ASB18: variants seen among roughly 807,000 people sequenced by gnomAD.
The protein encoded by ASB18 is ankyrin repeat and SOCS box protein 18.
ASB18 carries 33 observed loss-of-function variants against 33.4 expected under a neutral mutation model. That is an observed-to-expected ratio of 0.99 (90% confidence interval 0.75 to 1.32). The LOEUF is 1.32. Ranked by LOEUF, ASB18 falls within the 40% of genes most tolerant of loss-of-function variation. ASB18 has a pLI of 0.00. For missense variants in ASB18, 694 were observed against 655.5 expected (o/e 1.06, Z -0.64); for synonymous variants, 295 against 307.6 (o/e 0.96, Z 0.43).
At position 236,235,768 on chromosome 2, in the gene ASB18, G is replaced by A. The variant is rs973683418; in HGVS notation, c.596+1921C>T. ...GTCACCCAGGCTGGAGTGCAGTGGC[G>A]TGAACATGGCTTACTCCTGTGCTCA... On this transcript the variant is annotated intron_variant, in intron 3 of 5. Transcript: ENST00000409749. This position sits in a 1 kb window ranked among gnomAD's most constrained non-coding sequence, Gnocchi z 6.2. 1.3e-5 allele frequency among the ~76,000 whole-genome samples: 2 copies of A among 152,172 alleles called. No homozygotes were observed. Among genetic ancestry groups the A allele is most frequent in the Non-Finnish European group, 2.9e-5 (2 of 68,036 alleles).
Position 236,222,068 on chromosome 2 carries a change from G to A in ASB18, c.597-7202C>T, listed in dbSNP as rs897042520. 6.6e-6 allele frequency among the ~76,000 whole-genome samples: 1 copy of A among 152,154 alleles called. No homozygotes were observed. The highest frequency in any genetic ancestry group is 1.5e-5 in the Non-Finnish European group (1 of 68,026). On this transcript the variant is annotated intron_variant, in intron 3 of 5. Transcript: ENST00000409749. This position sits in a 1 kb window ranked among gnomAD's most constrained non-coding sequence, Gnocchi z 5.5. ...CTGCTGCAGGAAGGTTTCCTCCTGT[G>A]GCTCTATGCCCCAGCTGACTCCGAT...
In ASB18 at chr2:236,209,856, T is replaced by C. The variant is rs999401146; in HGVS notation, c.1101+4506A>G. 2.0e-5 allele frequency among the ~76,000 whole-genome samples: 3 copies of C among 152,226 alleles called. No homozygotes were observed. The highest frequency in any genetic ancestry group is 2.0e-4 in the Admixed American group (3 of 15,272). On this transcript the variant is annotated intron_variant, in intron 4 of 5. Transcript: ENST00000409749. The surrounding 1 kb of genome is among the most constrained non-coding windows in gnomAD (Gnocchi z 4.4). ...TTTCCTCTCCAACGACTAGCTCATT[T>C]TTCCAACTGCACACATTGCCGTGCC...
Position 236,252,903 on chromosome 2 carries a change from A to T in ASB18, c.205+11238T>A, listed in dbSNP as rs935004004. The stretch of plus-strand genomic sequence containing the variant: ...CTGCAGAGCTGCATCACCTAAGAAC[A>T]CTCCTCCCAACGTGGCCAGATCCAG... On this transcript the variant is annotated intron_variant, in intron 1 of 5. Coordinates refer to ENST00000409749, the MANE Select transcript of ASB18 (RefSeq NM_212556.4). The surrounding 1 kb of genome is among the most constrained non-coding windows in gnomAD (Gnocchi z 7.9). 6.6e-6 allele frequency among the ~76,000 whole-genome samples: 1 copy of T among 151,772 alleles called. No homozygotes were observed. The highest frequency in any genetic ancestry group is 1.5e-5 in the Non-Finnish European group (1 of 67,954).
In ASB18 at chr2:236,262,429, G is replaced by A. The variant is rs546014684; in HGVS notation, c.205+1712C>T. 6.6e-6 allele frequency among the ~76,000 whole-genome samples: 1 copy of A among 152,316 alleles called. No homozygotes were observed. The highest frequency in any genetic ancestry group is 2.4e-5 in the African/African-American group (1 of 41,578). On this transcript the variant is annotated intron_variant, in intron 1 of 5. Coordinates refer to ENST00000409749, the MANE Select transcript of ASB18 (RefSeq NM_212556.4). The surrounding 1 kb of genome is among the most constrained non-coding windows in gnomAD (Gnocchi z 5.2). ...GAGGAGGGGCAGGAGCTGCTGGGCA[G>A]GAGCCAAGCCTTCCACAGAAGGAGG... is the stretch of plus-strand genomic sequence containing the variant.
chr2:236,246,128 G>A (rs1448172466), intron 1 of ASB18, among the ~76,000 whole-genome samples: 1 of 151,986 alleles, frequency 6.6e-6, no homozygotes, highest in Non-Finnish European at 1.5e-5. Context: ...CTAGGTGGGT[G>A]GATCACTTGA....
rs1028054683 is a variant in ASB18 at position 236,264,370 on chromosome 2, A to G, written c.-25T>C. 3.7e-6 allele frequency: 6 copies of G among 1,603,388 alleles called. No homozygotes were observed. Among genetic ancestry groups the G allele is most frequent in the Admixed American group, 1.7e-5 (1 of 59,984 alleles). ...TTGTTACGTCGTTTCTGCAGTGACC[A>G]GCCCTTCTTTTCTTCCTCTAAAGCG... On this transcript the variant is annotated 5_prime_UTR_variant, in exon 1 of 6. Transcript: ENST00000409749. This position sits in a 1 kb window ranked among gnomAD's most constrained non-coding sequence, Gnocchi z 5.1.
At position 236,203,928 on chromosome 2, in the gene ASB18, A is replaced by G. The variant is rs1174998115; in HGVS notation, c.1102-7543T>C. On this transcript the variant is annotated intron_variant, in intron 4 of 5. Coordinates refer to ENST00000409749, the MANE Select transcript of ASB18 (RefSeq NM_212556.4). This position sits in a 1 kb window ranked among gnomAD's most constrained non-coding sequence, Gnocchi z 6.0. ...CCAACCAACCAAACAAGGACATATC[A>G]CCAAGGCTGGATCTGGGGAATAGTT... is the stretch of plus-strand genomic sequence containing the variant. Among the ~76,000 whole-genome samples the G allele has an allele frequency of 1.4e-5, 2 of 141,030 alleles. No homozygotes were observed. Among genetic ancestry groups the G allele is most frequent in the Non-Finnish European group, 3.2e-5 (2 of 63,424 alleles). 92.5% of individuals were successfully genotyped at this position (141,030 alleles called of 152,430 possible).
Position 236,209,398 on chromosome 2 carries a change from G to A in ASB18, c.1101+4964C>T, listed in dbSNP as rs1292796923. 2.6e-5 allele frequency among the ~76,000 whole-genome samples: 4 copies of A among 151,786 alleles called. No individual in the cohort carries two copies. Among genetic ancestry groups the A allele is most frequent in the East Asian group, 1.9e-4 (1 of 5,172 alleles). On this transcript the variant is annotated intron_variant, in intron 4 of 5. Transcript: ENST00000409749. This position sits in a 1 kb window ranked among gnomAD's most constrained non-coding sequence, Gnocchi z 4.4. Reference sequence around the variant, plus strand: ...GGTAATCCTCCTGTCTCAGCCTCCTGAGTAACTGGGACTACAGTTGCATGC... The same window carrying A: ...GGTAATCCTCCTGTCTCAGCCTCCTAAGTAACTGGGACTACAGTTGCATGC...
chr2:236,231,838 T>C lies in ASB18; in HGVS notation c.596+5851A>G, dbSNP rs1214293233. On this transcript the variant is annotated intron_variant, in intron 3 of 5. Coordinates refer to ENST00000409749, the MANE Select transcript of ASB18 (RefSeq NM_212556.4). The surrounding 1 kb of genome is among the most constrained non-coding windows in gnomAD (Gnocchi z 5.5). ...TGCTAAGCATTTATGTACCTAATAA[T>C]AGAGCTTCAAATTACTTGAAACAAA... is the stretch of plus-strand genomic sequence containing the variant. Among the ~76,000 whole-genome samples the C allele has an allele frequency of 6.6e-6, 1 of 152,210 alleles. No individual in the cohort carries two copies. The highest frequency in any genetic ancestry group is 6.5e-5 in the Admixed American group (1 of 15,278).
chr2:236,224,185 GTTTTTTTTTTTTT>G lies in ASB18; in HGVS notation c.597-9332_597-9320del, dbSNP rs1161648778. Reference sequence around the variant, plus strand: ...TCTTGTCAACATTTGGTGTTGTCAGGTTTTTTTTTTTTTTTTTTTTTTTTTTTTTAGCCATTCT... The same window carrying G: ...TCTTGTCAACATTTGGTGTTGTCAGGTTTTTTTTTTTTTTTTAGCCATTCT... On this transcript the variant is annotated intron_variant, in intron 3 of 5. Transcript: ENST00000409749. Among the ~76,000 whole-genome samples, 107 of 66,806 alleles carry G rather than the reference GTTTTTTTTTTTTT, an allele frequency of 1.6e-3. 3 individuals carry two copies. In the South Asian group the frequency reaches 0.061, roughly 38 times the overall value. 43.8% of individuals were successfully genotyped at this position (66,806 alleles called of 152,430 possible). A position where few individuals can be genotyped will look rare whatever the true frequency, so the allele number is the denominator to read the frequency against.
Position 236,196,413 on chromosome 2 carries a change from G to A in ASB18, c.1102-28C>T, listed in dbSNP as rs576374677. ...GGTGGGAAGAGGTGAAAGACGCAGC[G>A]TAGGCCGACTGGGTTCTGGGTCTCA... On this transcript the variant is annotated intron_variant, in intron 4 of 5. Transcript: ENST00000409749. The surrounding 1 kb of genome is among the most constrained non-coding windows in gnomAD (Gnocchi z 5.6). 9.2e-6 allele frequency: 12 copies of A among 1,307,388 alleles called. No individual in the cohort carries two copies. The highest frequency in any genetic ancestry group is 7.4e-5 in the African/African-American group (5 of 67,826). The allele number at this position is 1,307,388 out of a possible 1,614,324, so 81.0% of individuals were successfully genotyped here.
In ASB18 at chr2:236,193,803, A is replaced by G. The variant is rs2060358579; in HGVS notation, c.*1069T>C. On this transcript the variant is annotated 3_prime_UTR_variant, in exon 6 of 6. Coordinates refer to ENST00000409749, the MANE Select transcript of ASB18 (RefSeq NM_212556.4). This position sits in a 1 kb window ranked among gnomAD's most constrained non-coding sequence, Gnocchi z 5.0. ...CAAACAAAAAAACAAAAAAGAAACAAGACTGATTCCTGGGCAAGGCCACTG... is the reference window on the plus strand; with the variant it reads ...CAAACAAAAAAACAAAAAAGAAACAGGACTGATTCCTGGGCAAGGCCACTG... 6.6e-6 allele frequency among the ~76,000 whole-genome samples: 1 copy of G among 152,092 alleles called. No individual in the cohort carries two copies. Among genetic ancestry groups the G allele is most frequent in the African/African-American group, 2.4e-5 (1 of 41,420 alleles).
Position 236,252,267 on chromosome 2 carries a change from T to TCTCA in ASB18, c.206-10866_206-10865insTGAG, listed in dbSNP as rs141179555. ...GCCTTGGCAACAGAGTGAGACTCCG[T>TCTCA]CACACACACACACACACACACACAC... is the stretch of plus-strand genomic sequence containing the variant. On this transcript the variant is annotated intron_variant, in intron 1 of 5. Transcript: ENST00000409749. This position sits in a 1 kb window ranked among gnomAD's most constrained non-coding sequence, Gnocchi z 7.9. 2.9e-5 allele frequency among the ~76,000 whole-genome samples: 4 copies of TCTCA among 138,580 alleles called. No individual in the cohort carries two copies. The highest frequency in any genetic ancestry group is 7.4e-5 in the Admixed American group (1 of 13,498). 90.9% of individuals were successfully genotyped at this position (138,580 alleles called of 152,430 possible). A position where few individuals can be genotyped will look rare whatever the true frequency, so the allele number is the denominator to read the frequency against.
At chr2:236,242,399 A>G (rs530246918) in intron 1 of ASB18, among the ~76,000 whole-genome samples, 1 of 152,318 alleles carries the variant, frequency 6.6e-6, no homozygotes, top group East Asian at 1.9e-4. Context: ...TAGGGCTGAA[A>G]GGGTCTGTCT....
rs2060535928 is a variant in ASB18 at position 236,226,004 on chromosome 2, A to C, written c.597-11138T>G. Among the ~76,000 whole-genome samples, 1 of 152,246 alleles carries C rather than the reference A, an allele frequency of 6.6e-6. No homozygotes were observed. On this transcript the variant is annotated intron_variant, in intron 3 of 5. Transcript: ENST00000409749. The surrounding 1 kb of genome is among the most constrained non-coding windows in gnomAD (Gnocchi z 4.8). ...GAGGTAAAAAAATTAAGGATGACCT[A>C]AAATCTACTGTGTTTAAAAAGATTG...
chr2:236,202,814 T>TATATATAC (rs1472095135), intron 4 of ASB18, among the ~76,000 whole-genome samples: 1 of 126,576 alleles, frequency 7.9e-6, no homozygotes, highest in African/African-American at 3.2e-5. Flanking sequence ...TATATATATA[T>TATATATAC]ACACACACCT....
rs1377245031 is a variant in ASB18, at chr2:236,196,432, G to A, written c.1102-47C>T. On this transcript the variant is annotated intron_variant, in intron 4 of 5. Coordinates refer to ENST00000409749, the MANE Select transcript of ASB18 (RefSeq NM_212556.4). This position sits in a 1 kb window ranked among gnomAD's most constrained non-coding sequence, Gnocchi z 5.6. ...CGCAGCGTAGGCCGACTGGGTTCTG[G>A]GTCTCAGTGGGGAAAGGGTGGGGGG... The A allele has an allele frequency of 1.8e-6, 2 of 1,082,344 alleles. No homozygotes were observed. The highest frequency in any genetic ancestry group is 5.2e-5 in the East Asian group (2 of 38,668). The allele number at this position is 1,082,344 out of a possible 1,614,324, so 67.0% of individuals were successfully genotyped here. A position where few individuals can be genotyped will look rare whatever the true frequency, so the allele number is the denominator to read the frequency against.
chr2:236,254,633 C>A (rs574259029), intron 1 of ASB18, among the ~76,000 whole-genome samples: 2 of 151,966 alleles, frequency 1.3e-5, no homozygotes, highest in African/African-American at 2.4e-5. Flanking sequence ...CATTTAATTT[C>A]CCATCATTTT....
At position 236,211,979 on chromosome 2, in the gene ASB18, C is replaced by T. The variant is rs1340984559; in HGVS notation, c.1101+2383G>A. ...TGCAGTGGCTGGAATCCCTTTCATT[C>T]ATTCAACAAACACTGATGGAAGGTC... is the stretch of plus-strand genomic sequence containing the variant. On this transcript the variant is annotated intron_variant, in intron 4 of 5. Transcript: ENST00000409749. The surrounding 1 kb of genome is among the most constrained non-coding windows in gnomAD (Gnocchi z 5.0). Among the ~76,000 whole-genome samples, 1 of 152,168 alleles carries T rather than the reference C, an allele frequency of 6.6e-6. No individual in the cohort carries two copies. Among genetic ancestry groups the T allele is most frequent in the African/African-American group, 2.4e-5 (1 of 41,426 alleles).
Sources: allele counts gnomAD v4.1 joint callset (sites outside exome capture counted in the v4.1 genomes callset), GRCh38; gene constraint gnomAD v4.1.1; non-coding constraint Gnocchi (gnomAD v3.1); transcripts MANE v1.5; gene names NCBI Gene and HGNC (gene_info 2026-07-23, HGNC 2026-07-21).